The following PPARGC1A variants were observed in gnomAD, a reference collection of about 807,000 sequenced individuals.
The protein encoded by PPARGC1A is PPARG coactivator 1 alpha, also known as peroxisome proliferator-activated receptor gamma coactivator 1-alpha.
Under a neutral mutation model 88.7 loss-of-function variants are expected in PPARGC1A, and 25 were observed. The observed-to-expected ratio is 0.28, with a 90% CI of 0.21 to 0.39. The LOEUF (loss-of-function observed/expected upper bound fraction) is 0.39, where lower values mean the gene tolerates loss of function less well. PPARGC1A is among the 10% of genes least tolerant of loss of function. The pLI is 1.00. For synonymous variants in PPARGC1A, 363 were observed against 355.6 expected, an observed-to-expected ratio of 1.02 and a Z score of -0.24; for missense variants, 880 against 968.7, an observed-to-expected ratio of 0.91 and a Z score of 1.22.
chr4:23,938,009 GGT>G, the PPARGC1A span, among the ~76,000 whole-genome samples: 1 of 152,062 alleles, frequency 6.6e-6, no homozygotes, highest in Non-Finnish European at 1.5e-5. Flanking sequence ...CTTGGAGGTG[GGT>G]CCAAAAGAAA....
At chr4:24,190,011 G>A in the PPARGC1A span, among the ~76,000 whole-genome samples, 1 of 152,126 alleles carries the variant, frequency 6.6e-6, no homozygotes, top group Non-Finnish European at 1.5e-5. Flanking sequence ...TCTTGCTAAC[G>A]TAGTGCCTAC....
the PPARGC1A span, among the ~76,000 whole-genome samples, chr4:24,237,238 T>C: frequency 6.6e-6 from 1 of 150,398 alleles, no homozygotes; most frequent in African/African-American, 2.5e-5. Flanking sequence ...AATTCCGAGA[T>C]TGGATTTTTT....
At chr4:23,882,569 T>C (rs1406714695) in intron 2 of PPARGC1A, 1 of 152,170 alleles carries the variant, frequency 6.6e-6, no homozygotes, top group Non-Finnish European at 1.5e-5. Context: ...CCTCCAGATA[T>C]TGTCAAATGT....
the PPARGC1A span, among the ~76,000 whole-genome samples, chr4:24,193,908 C>T: frequency 2.6e-5 from 4 of 152,090 alleles, no homozygotes. Context: ...GTGGGTGGAT[C>T]ACCTGAGACC....
chr4:24,032,727 T>C, the PPARGC1A span, among the ~76,000 whole-genome samples: 1 of 152,136 alleles, frequency 6.6e-6, no homozygotes, highest in African/African-American at 2.4e-5. Flanking sequence ...AATTTGTCAT[T>C]GTTGGTTGAT....
chr4:23,857,373 G>GTGTGTGTAC lies in PPARGC1A; in HGVS notation c.235-25623_235-25622insGTACACACA, dbSNP rs148212399. 4.8e-5 allele frequency among the ~76,000 whole-genome samples: 5 copies of GTGTGTGTAC among 104,446 alleles called. No homozygotes were observed. The East Asian group carries it at 8.2e-4, about 17-fold the overall frequency. The allele number at this position is 104,446 out of a possible 152,430, so 68.5% of individuals were successfully genotyped here. ...ATTTAGTATGTGCGTGTGTGTGTGT[G>GTGTGTGTAC]ACACACACACACACGCACGTACTAA... On this transcript the variant is annotated intron_variant, in intron 2 of 12. Transcript: ENST00000264867.
chr4:24,239,630 CA>C, the PPARGC1A span, among the ~76,000 whole-genome samples: 1 of 152,066 alleles, frequency 6.6e-6, no homozygotes, highest in Non-Finnish European at 1.5e-5. Flanking sequence ...CTACACATGT[CA>C]GGGGAAAATA....
the PPARGC1A span, among the ~76,000 whole-genome samples, chr4:23,963,471 T>G: frequency 2.6e-5 from 4 of 152,196 alleles, no homozygotes; most frequent in Non-Finnish European, 5.9e-5. Flanking sequence ...TTTTCATCTA[T>G]GTATAATTTC....
chr4:23,998,428 G>A, the PPARGC1A span, among the ~76,000 whole-genome samples: 1 of 151,764 alleles, frequency 6.6e-6, no homozygotes, highest in African/African-American at 2.4e-5. Flanking sequence ...GCAAACCTAC[G>A]GCAATTTTTT....
intron 7 of PPARGC1A, among the ~76,000 whole-genome samples, chr4:23,818,390 G>A (rs57104536): frequency 7.5e-4 from 114 of 152,130 alleles, no homozygotes; most frequent in African/African-American, 2.3e-3. Context: ...TTTTATTGCC[G>A]CCTATTTTCT....
the PPARGC1A span, among the ~76,000 whole-genome samples, chr4:24,058,232 T>C: frequency 6.6e-6 from 1 of 151,994 alleles, no homozygotes; most frequent in East Asian, 1.9e-4. Context: ...GGGAGGTGAG[T>C]ATCTCATGGT....
At chr4:23,911,783 T>C in the PPARGC1A span, among the ~76,000 whole-genome samples, 1 of 152,188 alleles carries the variant, frequency 6.6e-6, no homozygotes, top group African/African-American at 2.4e-5. Flanking sequence ...ATTTTTATTG[T>C]GGAAAGAACC....
At chr4:23,990,395 T>G in the PPARGC1A span, among the ~76,000 whole-genome samples, 1 of 151,996 alleles carries the variant, frequency 6.6e-6, no homozygotes, top group Non-Finnish European at 1.5e-5. Context: ...CACCACCTTA[T>G]CACAGTAGAA....
intron 7 of PPARGC1A, among the ~76,000 whole-genome samples, chr4:23,816,504 A>C (rs1047185043): frequency 5.9e-5 from 9 of 152,142 alleles, no homozygotes; most frequent in African/African-American, 2.2e-4. Flanking sequence ...TTTCTTCTAC[A>C]TGCTACCTTC....
At chr4:23,900,262 GTCTT>G (rs1241083680), upstream of PPARGC1A, among the ~76,000 whole-genome samples, 16 of 152,254 alleles carry the variant, frequency 1.1e-4, no homozygotes, top group East Asian at 3.1e-3. Context: ...TAAAATTTTA[GTCTT>G]TCTTCTTGGT....
the PPARGC1A span, among the ~76,000 whole-genome samples, chr4:24,061,876 C>T: frequency 6.6e-6 from 1 of 152,156 alleles, no homozygotes; most frequent in Admixed American, 6.5e-5. Flanking sequence ...CTGCCCAGAT[C>T]TTGAGTTCCA....
At chr4:24,393,618 T>C in the PPARGC1A span, among the ~76,000 whole-genome samples, 150,468 of 152,306 alleles carry the variant, frequency 0.99, 74,346 homozygotes, top group East Asian at 1. Flanking sequence ...AAAAGGGCAC[T>C]TAGGATTAAG....
the PPARGC1A span, among the ~76,000 whole-genome samples, chr4:24,002,103 G>C: frequency 1.9e-3 from 242 of 124,530 alleles, 2 homozygotes; most frequent in East Asian, 0.018. Flanking sequence ...CACACAGAGA[G>C]AGAGAGAGAG....
the PPARGC1A span, among the ~76,000 whole-genome samples, chr4:24,409,281 A>G: frequency 6.6e-6 from 1 of 152,206 alleles, no homozygotes; most frequent in East Asian, 1.9e-4. Context: ...TACCTGTCCA[A>G]CCTCAGCATG....
Sources: gnomAD v4.1 joint callset for allele counts (sites outside exome capture counted in the v4.1 genomes callset) on GRCh38, gnomAD v4.1.1 for gene constraint, MANE v1.5 for transcripts, NCBI Gene and HGNC (gene_info 2026-07-23, HGNC 2026-07-21) for gene names.